The following WDFY2 variants were observed in gnomAD, a reference collection of about 807,000 sequenced individuals.
WDFY2 encodes the protein WD repeat and FYVE domain containing 2, also known as WD repeat and FYVE domain-containing protein 2.
WDFY2 carries 36 observed loss-of-function variants against 56.4 expected under a neutral mutation model. The ratio of observed to expected loss-of-function variants is 0.64; its 90% CI spans 0.49 to 0.84. The LOEUF (loss-of-function observed/expected upper bound fraction) is 0.84. WDFY2 is among the 40% of genes least tolerant of loss of function. The pLI is 0.00. For synonymous variants in WDFY2, 176 were observed against 183.7 expected (o/e 0.96, Z 0.34); for missense variants, 444 against 512.2 (o/e 0.87, Z 1.29).
chr13:51,681,646 G>A (rs1191779943), intron 3 of WDFY2, among the ~76,000 whole-genome samples: 1 of 152,048 alleles, frequency 6.6e-6, no homozygotes, highest in Non-Finnish European at 1.5e-5. Context: ...CTGAGCTTGT[G>A]CTAAGTTACA....
At chr13:51,585,553 A>C (rs138324253) in intron 1 of WDFY2, among the ~76,000 whole-genome samples, 2 of 152,248 alleles carry the variant, frequency 1.3e-5, no homozygotes, top group African/African-American at 4.8e-5. Flanking sequence ...TCTGCCTTCA[A>C]ATACTCTCTC....
chr13:51,660,495 CCT>C (rs1955591977), intron 1 of WDFY2, 99 bp from the exon 2 acceptor site: 1 of 1,133,304 alleles, frequency 8.8e-7, no homozygotes, highest in African/African-American at 1.6e-5. Context: ...CCGCGCCTGG[CCT>C]CTCTATATAT....
chr13:51,623,628 G>A (rs187228042), intron 1 of WDFY2, among the ~76,000 whole-genome samples: 1 of 152,168 alleles, frequency 6.6e-6, no homozygotes, highest in Admixed American at 6.5e-5. Flanking sequence ...AGATGTTTGT[G>A]GTTTAATCTT....
intron 5 of WDFY2, among the ~76,000 whole-genome samples, chr13:51,723,660 C>G (rs10454627): frequency 6.6e-5 from 10 of 152,138 alleles, no homozygotes; most frequent in African/African-American, 2.4e-4. Flanking sequence ...TGGTTCTCAC[C>G]AAGTGTGCTT....
At chr13:51,703,952 TC>T (rs947124202) in intron 4 of WDFY2, among the ~76,000 whole-genome samples, 4 of 152,318 alleles carry the variant, frequency 2.6e-5, no homozygotes, top group African/African-American at 9.6e-5. Context: ...AGAAAGTGGG[TC>T]CAGTAAAAAG....
chr13:51,753,377 GGT>G (rs1455599516), intron 8 of WDFY2, among the ~76,000 whole-genome samples: 1 of 152,100 alleles, frequency 6.6e-6, no homozygotes, highest in East Asian at 1.9e-4. Flanking sequence ...AGGTTGAACA[GGT>G]GTTTTATACA....
At chr13:51,627,931 T>G (rs1303286461) in intron 1 of WDFY2, among the ~76,000 whole-genome samples, 1 of 150,566 alleles carries the variant, frequency 6.6e-6, no homozygotes, top group African/African-American at 2.5e-5. Flanking sequence ...GTCCAGGGGG[T>G]TTTTATGGGC....
chr13:51,719,508 G>A (rs979536286), intron 5 of WDFY2, among the ~76,000 whole-genome samples, 160 bp downstream of exon 5: 2 of 152,194 alleles, frequency 1.3e-5, no homozygotes, highest in Non-Finnish European at 2.9e-5. Flanking sequence ...AAATCATTGA[G>A]TTCCCATGTA....
chr13:51,706,550 C>T (rs1952085744), intron 4 of WDFY2, among the ~76,000 whole-genome samples: 1 of 152,166 alleles, frequency 6.6e-6, no homozygotes, highest in Non-Finnish European at 1.5e-5. Flanking sequence ...GAAATTTATT[C>T]CTGACCCCAA....
At chr13:51,656,973 A>T (rs1008483596) in intron 1 of WDFY2, among the ~76,000 whole-genome samples, 4 of 151,990 alleles carry the variant, frequency 2.6e-5, no homozygotes, top group African/African-American at 9.7e-5. Flanking sequence ...TTTATATTTA[A>T]AGTGATTACT....
At chr13:51,713,082 C>G (rs1431719340) in intron 4 of WDFY2, among the ~76,000 whole-genome samples, 2 of 152,176 alleles carry the variant, frequency 1.3e-5, no homozygotes, top group South Asian at 2.1e-4. Context: ...TACACAGACT[C>G]TTTCAGAAGT....
intron 1 of WDFY2, among the ~76,000 whole-genome samples, chr13:51,651,677 A>C (rs1387454554): frequency 6.6e-6 from 1 of 152,198 alleles, no homozygotes; most frequent in Non-Finnish European, 1.5e-5. Context: ...TTATGTACCC[A>C]GTAGTCATTC....
chr13:51,668,367 C>T (rs1212565742), intron 2 of WDFY2, among the ~76,000 whole-genome samples: 1 of 152,044 alleles, frequency 6.6e-6, no homozygotes, highest in Non-Finnish European at 1.5e-5. Context: ...CTGGGAGTGA[C>T]CACTTCTAAT....
In WDFY2 at chr13:51,765,065, G is replaced by A. The variant is rs191015378; in HGVS notation, c.*5296G>A. On this transcript the variant is annotated 3_prime_UTR_variant, in exon 12 of 12. Coordinates refer to ENST00000298125, the MANE Select transcript of WDFY2 (RefSeq NM_052950.4). ...GGAGGTCCTCCTTACAGGGGCACTT[G>A]CAACAGGAAGGCAGAGAGTTTCGTC... 1 of 152,310 alleles carries A rather than the reference G, an allele frequency of 6.6e-6. No individual in the cohort carries two copies. The highest frequency in any genetic ancestry group is 6.5e-5 in the Admixed American group (1 of 15,304). The allele number at this position is 152,310 out of a possible 1,614,324, so 9.4% of individuals were successfully genotyped here. A position where few individuals can be genotyped will look rare whatever the true frequency, so the allele number is the denominator to read the frequency against.
intron 1 of WDFY2, among the ~76,000 whole-genome samples, chr13:51,644,278 G>A (rs1955227197): frequency 1.3e-5 from 2 of 152,166 alleles, no homozygotes; most frequent in African/African-American, 4.8e-5. Context: ...AAACTACTCC[G>A]AATTAAGACC....
chr13:51,586,903 C>T (rs1953950648), intron 1 of WDFY2: 1 of 151,886 alleles, frequency 6.6e-6, no homozygotes, highest in African/African-American at 2.4e-5. Flanking sequence ...ATGAACATAA[C>T]TTTGTTATTT....
intron 7 of WDFY2, among the ~76,000 whole-genome samples, chr13:51,749,295 G>C (rs1031527438): frequency 6.6e-6 from 1 of 152,060 alleles, no homozygotes; most frequent in Non-Finnish European, 1.5e-5. Context: ...CGTCAAATAA[G>C]TTGTAAGAGT....
At chr13:51,722,523 TCA>T (rs982658304) in intron 5 of WDFY2, among the ~76,000 whole-genome samples, 30 of 152,266 alleles carry the variant, frequency 2.0e-4, no homozygotes, top group African/African-American at 6.7e-4. Context: ...GAAAAAAATC[TCA>T]GATTTGCAGG....
At position 51,758,276 on chromosome 13, in the gene WDFY2, T is replaced by C. The variant is rs969329194; in HGVS notation, c.1149T>C (p.Thr383=). 3 of 1,597,318 alleles carry C rather than the reference T, an allele frequency of 1.9e-6. No individual in the cohort carries two copies. The highest frequency in any genetic ancestry group is 2.6e-6 in the Non-Finnish European group (3 of 1,167,114). The change falls in exon 11 of 12, where the codon ACT becomes ACC. Residue 383 remains threonine (T), a synonymous_variant. Coordinates refer to ENST00000298125, the MANE Select transcript of WDFY2 (RefSeq NM_052950.4). ...ATGCAACCAGAGGATGGTTACTGAC[T>C]TCTGGAACTGACAAGGTTATTAAGG... ...HFDATRGWLL[T]SGTDKVIKLW...
Sources: allele counts gnomAD v4.1 joint callset (sites outside exome capture counted in the v4.1 genomes callset), GRCh38; gene constraint gnomAD v4.1.1; transcripts MANE v1.5; gene names NCBI Gene and HGNC (gene_info 2026-07-23, HGNC 2026-07-21).